Variants in CADM2 observed in about 807,000 individuals in gnomAD.
CADM2 encodes immunoglobulin superfamily member 4D.
In CADM2, 12 loss-of-function variants were observed where a neutral mutation model predicts 49.8. The observed-to-expected ratio is 0.24, with a 90% CI of 0.15 to 0.39. The LOEUF (loss-of-function observed/expected upper bound fraction) is 0.39. CADM2 is among the 10% of genes least tolerant of loss of function. The probability of loss-of-function intolerance (pLI) is 1.00; values close to 1 mark genes in which losing one functional copy is unlikely to be tolerated. For synonymous variants in CADM2, 214 were observed against 175.4 expected (o/e 1.22, Z -1.74); for missense variants, 378 against 492.3 (o/e 0.77, Z 2.20).
chr3:85,318,522 C>T (rs1342794355), intron 1 of CADM2, among the ~76,000 whole-genome samples: 1 of 152,014 alleles, frequency 6.6e-6, no homozygotes, highest in African/African-American at 2.4e-5. Context: ...AAATTAATAG[C>T]AACCAAATAT....
chr3:85,439,757 A>C (rs1472746180), intron 1 of CADM2, among the ~76,000 whole-genome samples: 1 of 152,076 alleles, frequency 6.6e-6, no homozygotes, highest in Non-Finnish European at 1.5e-5. Context: ...AATAAAGAAT[A>C]TGTGCTAAAA....
At chr3:85,445,508 CTTGAA>C (rs1359799685) in intron 1 of CADM2, among the ~76,000 whole-genome samples, 1 of 151,802 alleles carries the variant, frequency 6.6e-6, no homozygotes, top group African/African-American at 2.4e-5. Context: ...TAAATCTTAG[CTTGAA>C]TTTGATTTGA....
intron 1 of CADM2, among the ~76,000 whole-genome samples, chr3:85,689,771 C>T (rs2066327748): frequency 6.6e-6 from 1 of 152,008 alleles, no homozygotes; most frequent in Admixed American, 6.6e-5. Context: ...GTAGGAAGTG[C>T]TAAGAAATTC....
intron 2 of CADM2, among the ~76,000 whole-genome samples, chr3:85,752,896 G>T (rs2068930112): frequency 6.6e-6 from 1 of 152,056 alleles, no homozygotes; most frequent in South Asian, 2.1e-4. Context: ...TAAAGGAAAA[G>T]AGTACAAAAG....
chr3:85,398,845 AG>A (rs1174745698), intron 1 of CADM2, among the ~76,000 whole-genome samples: 16 of 151,978 alleles, frequency 1.1e-4, no homozygotes, highest in Non-Finnish European at 1.9e-4. Flanking sequence ...CCAGTTGTTG[AG>A]GGGGTTGTTT....
At chr3:85,858,566 G>A (rs1307010131) in intron 3 of CADM2, among the ~76,000 whole-genome samples, 1 of 152,202 alleles carries the variant, frequency 6.6e-6, no homozygotes, top group Non-Finnish European at 1.5e-5. Context: ...TATTTTACTT[G>A]TATACTGCCC....
intron 1 of CADM2, among the ~76,000 whole-genome samples, chr3:85,568,469 C>CTTTCTTTCTTTG (rs374134738): frequency 9.0e-5 from 1 of 11,156 alleles, no homozygotes; most frequent in Non-Finnish European, 3.8e-4. Context: ...CTTTCTCTTT[C>CTTTCTTTCTTTG]TCTCTCTTTC....
At chr3:85,236,162 A>C (rs919078426) in intron 1 of CADM2, among the ~76,000 whole-genome samples, 2 of 152,092 alleles carry the variant, frequency 1.3e-5, no homozygotes, top group African/African-American at 4.8e-5. Context: ...CCATCCGTGC[A>C]CTAGCTCCCT....
chr3:86,008,401 A>G (rs756743870), intron 8 of CADM2, among the ~76,000 whole-genome samples: 3 of 152,030 alleles, frequency 2.0e-5, no homozygotes, highest in Non-Finnish European at 4.4e-5. Context: ...GTGAAAAAAT[A>G]TAAGTCAGTT....
At chr3:85,233,734 G>A (rs554600469) in intron 1 of CADM2, among the ~76,000 whole-genome samples, 3 of 152,052 alleles carry the variant, frequency 2.0e-5, no homozygotes, top group Non-Finnish European at 4.4e-5. Flanking sequence ...ATTCTCAATG[G>A]TTTAGAAAGA....
intron 1 of CADM2, among the ~76,000 whole-genome samples, chr3:85,288,900 A>G (rs1031841610): frequency 4.0e-5 from 6 of 150,582 alleles, no homozygotes; most frequent in African/African-American, 1.5e-4. Flanking sequence ...TACATTCACT[A>G]TTAAAGTAGT....
intron 1 of CADM2, among the ~76,000 whole-genome samples, chr3:84,975,307 T>C (rs1015281989): frequency 1.3e-5 from 2 of 151,826 alleles, no homozygotes; most frequent in Non-Finnish European, 3.0e-5. Flanking sequence ...GTATATTTTA[T>C]TGGTAATAAT....
chr3:85,329,049 T>C (rs1393842537), intron 1 of CADM2, among the ~76,000 whole-genome samples: 1 of 152,128 alleles, frequency 6.6e-6, no homozygotes, highest in Admixed American at 6.5e-5. Flanking sequence ...GGTGTCATTA[T>C]AAAATGTTAC....
chr3:84,993,700 A>T (rs1346460718), intron 1 of CADM2, among the ~76,000 whole-genome samples: 1 of 152,174 alleles, frequency 6.6e-6, no homozygotes, highest in African/African-American at 2.4e-5. Flanking sequence ...TTCTTCATAG[A>T]CATGTTCTAA....
intron 1 of CADM2, among the ~76,000 whole-genome samples, chr3:85,595,015 A>C (rs1004935850): frequency 4.6e-5 from 7 of 152,044 alleles, no homozygotes; most frequent in Non-Finnish European, 8.8e-5. Flanking sequence ...AATAAATTTA[A>C]AAGGGGAAAA....
In CADM2 at chr3:85,707,168, A is replaced by T. The variant is rs187104285; in HGVS notation, c.62-19354A>T. Among the ~76,000 whole-genome samples the T allele has an allele frequency of 2.0e-5, 3 of 152,002 alleles. No homozygotes were observed. In the East Asian group the frequency reaches 5.8e-4, roughly 29 times the overall value. ...TGTATATGTTTTATATTAATATTTA[A>T]TTATATTATCTATGATTCTTTACCA... On this transcript the variant is annotated intron_variant, in intron 1 of 9. Coordinates refer to ENST00000383699, the MANE Select transcript of CADM2 (RefSeq NM_001167675.2).
chr3:85,348,043 C>A (rs1456085009), intron 1 of CADM2, among the ~76,000 whole-genome samples: 4 of 152,034 alleles, frequency 2.6e-5, no homozygotes, highest in Non-Finnish European at 5.9e-5. Context: ...TCCTGAACCT[C>A]AATTGATCTG....
At chr3:85,349,841 A>G (rs2031156339) in intron 1 of CADM2, among the ~76,000 whole-genome samples, 1 of 152,208 alleles carries the variant, frequency 6.6e-6, no homozygotes, top group South Asian at 2.1e-4. Context: ...GGTCTTTCGA[A>G]GTAAGAACTG....
chr3:85,283,391 A>G (rs188617261), intron 1 of CADM2, among the ~76,000 whole-genome samples: 9 of 151,854 alleles, frequency 5.9e-5, no homozygotes, highest in Admixed American at 2.6e-4. Flanking sequence ...AACATATTTC[A>G]GTTATCAAAG....
Sources: gnomAD v4.1 joint callset for allele counts (sites outside exome capture counted in the v4.1 genomes callset) on GRCh38, gnomAD v4.1.1 for gene constraint, MANE v1.5 for transcripts, NCBI Gene and HGNC (gene_info 2026-07-23, HGNC 2026-07-21) for gene names.